ARMC3: variants seen among roughly 807,000 people sequenced by gnomAD.
ARMC3 encodes armadillo repeat containing 3, also known as armadillo repeat-containing protein 3.
Under a neutral mutation model 90.3 loss-of-function variants are expected in ARMC3, and 74 were observed. That is an observed-to-expected ratio of 0.82 (90% confidence interval 0.68 to 0.99). ARMC3 has a LOEUF of 0.99. ARMC3 is among the 50% of genes least tolerant of loss of function. The pLI is 0.00. For synonymous variants in ARMC3, 334 were observed against 361.8 expected, an observed-to-expected ratio of 0.92 and a Z score of 0.87; for missense variants, 958 against 1,042.8, an observed-to-expected ratio of 0.92 and a Z score of 1.12.
In ARMC3 at chr10:23,008,241, A is replaced by G. The variant is rs1244245020; in HGVS notation, c.1830-35A>G. The G allele has an allele frequency of 1.5e-5, 16 of 1,068,526 alleles. 1 individual carries two copies. The allele number at this position is 1,068,526 out of a possible 1,614,324, so 66.2% of individuals were successfully genotyped here. On this transcript the variant is annotated intron_variant, in intron 14 of 18. Coordinates refer to ENST00000298032, the MANE Select transcript of ARMC3 (RefSeq NM_173081.5). ...AAACCATCTGTTGACAAATAATTTT[A>G]ATCTATATATAATTTTAAATGTGTA...
At chr10:22,999,578 C>G (rs1412974708) in intron 11 of ARMC3, among the ~76,000 whole-genome samples, 2 of 152,322 alleles carry the variant, frequency 1.3e-5, no homozygotes, top group East Asian at 1.9e-4. Flanking sequence ...TGTGCCAGTG[C>G]TAAGCACTTT....
intron 2 of ARMC3, among the ~76,000 whole-genome samples, chr10:22,943,260 A>G (rs1834390606): frequency 6.6e-6 from 1 of 152,072 alleles, no homozygotes; most frequent in South Asian, 2.1e-4. Context: ...TTGATCATTG[A>G]CTTATTTGAT....
intron 2 of ARMC3, among the ~76,000 whole-genome samples, chr10:22,938,904 T>C (rs1189190425): frequency 1.3e-5 from 2 of 152,156 alleles, no homozygotes; most frequent in Non-Finnish European, 2.9e-5. Flanking sequence ...AAATACACCA[T>C]AACTCTCTAT....
intron 8 of ARMC3, among the ~76,000 whole-genome samples, chr10:22,972,179 T>C (rs756257431): frequency 6.6e-6 from 1 of 152,230 alleles, no homozygotes; most frequent in Non-Finnish European, 1.5e-5. Flanking sequence ...ATGCAAAAAG[T>C]TTTAAATTGT....
At chr10:22,970,651 A>G (rs968048767) in intron 8 of ARMC3, among the ~76,000 whole-genome samples, 1 of 152,236 alleles carries the variant, frequency 6.6e-6, no homozygotes, top group Non-Finnish European at 1.5e-5. Context: ...TGAAACAGAG[A>G]TGCGGTGTTC....
chr10:23,035,509 C>T (rs1231998847), intron 18 of ARMC3, among the ~76,000 whole-genome samples: 1 of 151,690 alleles, frequency 6.6e-6, no homozygotes, highest in African/African-American at 2.4e-5. Context: ...ATATCTTATC[C>T]TTCCCCTCCT....
chr10:23,001,500 C>T (rs1485976689), intron 11 of ARMC3, among the ~76,000 whole-genome samples: 1 of 152,208 alleles, frequency 6.6e-6, no homozygotes, highest in Non-Finnish European at 1.5e-5. Context: ...CTCCCCATCT[C>T]AAGACCCTTA....
chr10:22,959,613 A>C, intron 6 of ARMC3, 39 bp downstream of exon 6: 4 of 1,530,980 alleles, frequency 2.6e-6, no homozygotes, highest in Non-Finnish European at 3.5e-6. Context: ...ATGAAAGCTC[A>C]TTTTAGAATT....
At chr10:22,994,286 G>T (rs1011301590) in intron 10 of ARMC3, among the ~76,000 whole-genome samples, 1 of 152,148 alleles carries the variant, frequency 6.6e-6, no homozygotes, top group Non-Finnish European at 1.5e-5. Flanking sequence ...CATATTGAAG[G>T]CTGCAAGAGA....
chr10:22,962,672 T>C (rs749177387), intron 7 of ARMC3, among the ~76,000 whole-genome samples: 6 of 152,208 alleles, frequency 3.9e-5, no homozygotes, highest in Non-Finnish European at 8.8e-5. Context: ...TTCAATTAAT[T>C]CTAATAACAG....
intron 8 of ARMC3, among the ~76,000 whole-genome samples, chr10:22,978,770 T>C (rs1836053049): frequency 6.6e-6 from 1 of 152,134 alleles, no homozygotes; most frequent in African/African-American, 2.4e-5. Context: ...AAGTAGATTT[T>C]GACAAATATT....
intron 3 of ARMC3, among the ~76,000 whole-genome samples, chr10:22,951,411 A>G (rs911737367): frequency 6.6e-6 from 1 of 152,380 alleles, no homozygotes; most frequent in Admixed American, 6.5e-5. Context: ...GACAATATCA[A>G]TGAATTTAAC....
At chr10:23,030,900 GT>G in intron 17 of ARMC3, 104 bp downstream of exon 17, 2 of 1,268,068 alleles carry the variant, frequency 1.6e-6, no homozygotes, top group Non-Finnish European at 2.1e-6. Flanking sequence ...TAAAATTGAA[GT>G]TTACAGCACT....
chr10:22,996,432 T>C (rs72812463), intron 10 of ARMC3, among the ~76,000 whole-genome samples: 3 of 152,112 alleles, frequency 2.0e-5, no homozygotes, highest in Admixed American at 6.6e-5. Context: ...TCAATTTTGG[T>C]TACATGTCAT....
rs948685349 is a variant in ARMC3 at position 23,033,170 on chromosome 10, C to T, written c.2409+147C>T. 19 of 725,548 alleles carry T rather than the reference C, an allele frequency of 2.6e-5. 1 individual carries two copies. The Admixed American group carries it at 3.1e-4, about 12-fold the overall frequency. The allele number at this position is 725,548 out of a possible 1,614,324, so 44.9% of individuals were successfully genotyped here. On this transcript the variant is annotated intron_variant, in intron 18 of 18. Transcript: ENST00000298032. ...ATATCTACATATAAGTGTATATATA[C>T]TTATATACAAGCATACACATATATA...
In ARMC3 at chr10:22,959,109, A is replaced by T; in HGVS notation, c.332A>T (p.Asn111Ile). The T allele has an allele frequency of 6.2e-7, 1 of 1,613,422 alleles. No individual in the cohort carries two copies. The highest frequency in any genetic ancestry group is 8.5e-7 in the Non-Finnish European group (1 of 1,179,382). ...KKLLRELDVM[N>I]SVIAQLAPEE... ...TTGTTAAGGGAGTTAGATGTCATGA[A>T]TTCTGTCATTGCCCAGCTCGCTCCA... The change falls in exon 5 of 19, where the codon AAT becomes ATT. Residue 111 changes from asparagine (N) to isoleucine (I), a missense_variant. Coordinates refer to ENST00000298032, the MANE Select transcript of ARMC3 (RefSeq NM_173081.5).
At chr10:22,928,726 T>C (rs1205038885) in intron 1 of ARMC3, among the ~76,000 whole-genome samples, 1 of 152,152 alleles carries the variant, frequency 6.6e-6, no homozygotes, top group Admixed American at 6.6e-5. Flanking sequence ...ATTTCAACAA[T>C]CAGAGACTGG....
chr10:23,024,566 A>G (rs1838640514), intron 16 of ARMC3, among the ~76,000 whole-genome samples: 1 of 152,196 alleles, frequency 6.6e-6, no homozygotes, highest in Admixed American at 6.5e-5. Context: ...GACACCTGAA[A>G]GGAGGTGAGG....
chr10:22,945,990 T>C (rs937437740), intron 2 of ARMC3, among the ~76,000 whole-genome samples, 154 bp from the exon 3 acceptor site: 1 of 152,256 alleles, frequency 6.6e-6, no homozygotes, highest in Non-Finnish European at 1.5e-5. Context: ...GCGGTTGATG[T>C]ATTTTTAATG....
Sources: gnomAD v4.1 joint callset for allele counts (sites outside exome capture counted in the v4.1 genomes callset) on GRCh38, gnomAD v4.1.1 for gene constraint, MANE v1.5 for transcripts, NCBI Gene and HGNC (gene_info 2026-07-23, HGNC 2026-07-21) for gene names.